Variants in BNC2 observed in about 807,000 individuals in gnomAD.
The protein encoded by BNC2 is basonuclin zinc finger protein 2, also known as zinc finger protein basonuclin-2.
A neutral mutation model predicts 76.3 loss-of-function variants in BNC2; 20 were observed. That is an observed-to-expected ratio of 0.26 (90% CI 0.18 to 0.38). The LOEUF (loss-of-function observed/expected upper bound fraction) is 0.38. BNC2 is among the 10% of genes least tolerant of loss of function. The pLI is 1.00. For missense variants in BNC2, 1,382 were observed against 1,399.8 expected (o/e 0.99, Z 0.20); for synonymous variants, 582 against 514.8 (o/e 1.13, Z -1.77).
intron 1 of BNC2, among the ~76,000 whole-genome samples, chr9:16,846,314 T>A (rs1818982769): frequency 6.6e-6 from 1 of 152,164 alleles, no homozygotes; most frequent in Non-Finnish European, 1.5e-5. Context: ...CCATTATCAA[T>A]AACAGAACTG....
At chr9:16,785,716 G>T (rs1713545630) in intron 1 of BNC2, among the ~76,000 whole-genome samples, 1 of 151,510 alleles carries the variant, frequency 6.6e-6, no homozygotes, top group South Asian at 2.1e-4. Context: ...AAGAATGGAT[G>T]CAGGCTGGGC....
intron 6 of BNC2, among the ~76,000 whole-genome samples, chr9:16,432,173 T>C (rs1032337201): frequency 5.3e-5 from 8 of 152,252 alleles, no homozygotes; most frequent in Non-Finnish European, 7.3e-5. Flanking sequence ...TCTTGGCTTC[T>C]GAATTTGTTA....
At chr9:16,662,092 G>T (rs537444260) in intron 3 of BNC2, among the ~76,000 whole-genome samples, 1 of 152,290 alleles carries the variant, frequency 6.6e-6, no homozygotes, top group South Asian at 2.1e-4. Flanking sequence ...CCATTCAAAA[G>T]GAAATTTCTA....
intron 5 of BNC2, among the ~76,000 whole-genome samples, chr9:16,516,119 T>C (rs1363800412): frequency 6.6e-6 from 1 of 152,200 alleles, no homozygotes; most frequent in African/African-American, 2.4e-5. Context: ...TATGCCCTCT[T>C]GCCTTTCGGG....
At chr9:16,555,359 G>A (rs1326123781) in intron 4 of BNC2, among the ~76,000 whole-genome samples, 1 of 152,030 alleles carries the variant, frequency 6.6e-6, no homozygotes, top group African/African-American at 2.4e-5. Context: ...GCACTAAACT[G>A]TTAAGGGTAC....
At position 16,412,742 on chromosome 9, in the gene BNC2, AG is replaced by A. The variant is rs1820494731; in HGVS notation, c.*6246del. The A allele has an allele frequency of 1.7e-5, 2 of 121,076 alleles. No individual in the cohort carries two copies. Among genetic ancestry groups the A allele is most frequent in the African/African-American group, 7.6e-5 (2 of 26,170 alleles). The allele number at this position is 121,076 out of a possible 1,614,324, so 7.5% of individuals were successfully genotyped here. ...AGGGGAGAGAGAGAGAGAGAGAGAGAGAGAGAGAGAGAGAGAGAGAGAGACT... is the reference window on the plus strand; with the variant it reads ...AGGGGAGAGAGAGAGAGAGAGAGAGAAGAGAGAGAGAGAGAGAGAGAGACT... On this transcript the variant is annotated 3_prime_UTR_variant, in exon 7 of 7. Coordinates refer to ENST00000380672, the MANE Select transcript of BNC2 (RefSeq NM_017637.6).
intron 3 of BNC2, among the ~76,000 whole-genome samples, chr9:16,607,885 T>C (rs1041021543): frequency 1.1e-4 from 17 of 152,156 alleles, no homozygotes; most frequent in Non-Finnish European, 1.6e-4. Context: ...TCCTGAAACA[T>C]TAATGTGTGA....
intron 3 of BNC2, among the ~76,000 whole-genome samples, chr9:16,597,951 G>T (rs141091524): frequency 6.6e-6 from 1 of 151,998 alleles, no homozygotes; most frequent in Non-Finnish European, 1.5e-5. Context: ...AATAATTAAG[G>T]ACTGCAAATC....
intron 1 of BNC2, among the ~76,000 whole-genome samples, chr9:16,857,770 G>T (rs1447765222): frequency 6.6e-6 from 1 of 152,102 alleles, no homozygotes; most frequent in Non-Finnish European, 1.5e-5. Flanking sequence ...AGTGAAGAAT[G>T]GTCCATCAGA....
At chr9:16,810,652 T>C (rs1290491941) in intron 1 of BNC2, among the ~76,000 whole-genome samples, 2 of 152,186 alleles carry the variant, frequency 1.3e-5, no homozygotes, top group Admixed American at 6.5e-5. Context: ...CTCTTAACCA[T>C]TTGTGCTTAA....
intron 5 of BNC2, among the ~76,000 whole-genome samples, chr9:16,552,063 A>G (rs1165028123): frequency 6.6e-6 from 1 of 152,150 alleles, no homozygotes; most frequent in Admixed American, 6.5e-5. Flanking sequence ...TGGCTGAAAA[A>G]ACAATAAATA....
intron 3 of BNC2, among the ~76,000 whole-genome samples, chr9:16,632,766 AT>A (rs971572553): frequency 6.6e-6 from 1 of 152,212 alleles, no homozygotes; most frequent in African/African-American, 2.4e-5. Context: ...AATATTCCAG[AT>A]GCAAGAGTGT....
intron 3 of BNC2, among the ~76,000 whole-genome samples, chr9:16,586,990 C>T (rs967455103): frequency 6.6e-6 from 1 of 152,086 alleles, no homozygotes; most frequent in Non-Finnish European, 1.5e-5. Context: ...TATTGAATAT[C>T]TTCCATTTTC....
chr9:16,762,593 C>G (rs1204737710), intron 1 of BNC2, among the ~76,000 whole-genome samples: 1 of 152,100 alleles, frequency 6.6e-6, no homozygotes, highest in Non-Finnish European at 1.5e-5. Flanking sequence ...CTACAGCTAC[C>G]CCATTTGTCT....
intron 4 of BNC2, among the ~76,000 whole-genome samples, chr9:16,554,092 T>C (rs559190519): frequency 6.6e-6 from 1 of 152,324 alleles, no homozygotes; most frequent in Admixed American, 6.5e-5. Context: ...GTTATGAACC[T>C]AAGGTTTCTG....
At chr9:16,525,489 A>C (rs1012723932) in intron 5 of BNC2, among the ~76,000 whole-genome samples, 3 of 152,252 alleles carry the variant, frequency 2.0e-5, no homozygotes, top group African/African-American at 7.2e-5. Context: ...ACTGATAATC[A>C]TAAAAGGATG....
intron 3 of BNC2, among the ~76,000 whole-genome samples, chr9:16,594,690 A>G (rs1464610365): frequency 6.6e-6 from 1 of 152,144 alleles, no homozygotes; most frequent in Non-Finnish European, 1.5e-5. Context: ...AACATTTCAA[A>G]TACATTCTTG....
rs1038732900 is a variant in BNC2 at position 16,855,902 on chromosome 9, G to C, written c.3+14744C>G. On this transcript the variant is annotated intron_variant, in intron 1 of 6. Coordinates refer to ENST00000380672, the MANE Select transcript of BNC2 (RefSeq NM_017637.6). ...CACAATTGTCTAATGTTGTTTCATG[G>C]AAATCTGCAGCAAGTTATTCCATAT... 6.6e-5 allele frequency among the ~76,000 whole-genome samples: 10 copies of C among 152,140 alleles called. No homozygotes were observed. In the South Asian group the frequency reaches 1.0e-3, roughly 16 times the overall value.
rs1319352525 is a variant in BNC2 at position 16,815,010 on chromosome 9, G to A, written c.3+55636C>T. Among the ~76,000 whole-genome samples, 138 of 152,196 alleles carry A rather than the reference G, an allele frequency of 9.1e-4. 1 individual carries two copies. Among genetic ancestry groups the A allele is most frequent in the Non-Finnish European group, 1.0e-4 (7 of 67,994 alleles). On this transcript the variant is annotated intron_variant, in intron 1 of 6. Coordinates refer to ENST00000380672, the MANE Select transcript of BNC2 (RefSeq NM_017637.6). Reference sequence around the variant, plus strand: ...TATAAATATTCAGTGTAAGGAATAAGCTACCATGAAAAGAAATTATAAGGA... The same window carrying A: ...TATAAATATTCAGTGTAAGGAATAAACTACCATGAAAAGAAATTATAAGGA...
Sources: gnomAD v4.1 joint callset for allele counts (sites outside exome capture counted in the v4.1 genomes callset) on GRCh38, gnomAD v4.1.1 for gene constraint, MANE v1.5 for transcripts, NCBI Gene and HGNC (gene_info 2026-07-23, HGNC 2026-07-21) for gene names.